Variants in BBOF1 observed in about 807,000 individuals in gnomAD.
BBOF1 encodes basal body-orientation factor 1.
A neutral mutation model predicts 68.0 loss-of-function variants in BBOF1; 62 were observed. That is an observed-to-expected ratio of 0.91 (90% confidence interval 0.74 to 1.13). The LOEUF is 1.13. Ranked by LOEUF, BBOF1 falls within the 50% of genes most tolerant of loss-of-function variation. The pLI is 0.00. For missense variants in BBOF1, 534 were observed against 600.1 expected (o/e 0.89, Z 1.15); for synonymous variants, 208 against 198.8 (o/e 1.05, Z -0.39).
intron 11 of BBOF1, chr14:74,060,040 TTA>T (rs2060305234): frequency 1.3e-5 from 2 of 154,754 alleles, no homozygotes; most frequent in Admixed American, 6.4e-5. Context: ...CCAGTGGCAT[TTA>T]GGTAGCGCTA....
At chr14:74,036,626 G>A (rs1412270953) in intron 4 of BBOF1, among the ~76,000 whole-genome samples, 5 of 148,268 alleles carry the variant, frequency 3.4e-5, no homozygotes, top group African/African-American at 1.2e-4. Context: ...GGAGGTAACA[G>A]TGAACCAAGA....
At chr14:74,048,204 C>CT (rs1030648790) in intron 7 of BBOF1, 130 bp downstream of exon 7, 34 of 766,870 alleles carry the variant, frequency 4.4e-5, no homozygotes, top group African/African-American at 3.7e-4. Context: ...GGATGATGCA[C>CT]TTTTTTTATC....
At chr14:74,023,241 T>A in intron 2 of BBOF1, 97 bp downstream of exon 2, 1 of 685,962 alleles carries the variant, frequency 1.5e-6, no homozygotes, top group Non-Finnish European at 2.4e-6. Flanking sequence ...CTTGAAATCT[T>A]AACATATACT....
At chr14:74,057,518 C>G (rs2060243079) in intron 11 of BBOF1, 1 of 1,368,544 alleles carries the variant, frequency 7.3e-7, no homozygotes, top group Admixed American at 2.9e-5. Flanking sequence ...ACAGCCTAGC[C>G]AAAATGTGTA....
chr14:74,071,611 G>A, intron 9 of BBOF1: 9 of 1,586,444 alleles, frequency 5.7e-6, no homozygotes, highest in Non-Finnish European at 7.7e-6. Flanking sequence ...GGGGTGCAGG[G>A]TACACTGACT....
At chr14:74,079,506 T>C (rs1469487711) in intron 10 of BBOF1, among the ~76,000 whole-genome samples, 1 of 151,342 alleles carries the variant, frequency 6.6e-6, no homozygotes, top group Non-Finnish European at 1.5e-5. Context: ...CGATCTTGGC[T>C]CACCGCAAGC....
chr14:74,023,288 A>G lies in BBOF1; in HGVS notation c.285+144A>G, dbSNP rs62005081. 2.3e-3 allele frequency: 1,175 copies of G among 506,900 alleles called. 3 individuals are homozygous for G. Among genetic ancestry groups the G allele is most frequent in the Non-Finnish European group, 2.5e-3 (714 of 282,024 alleles). The allele number at this position is 506,900 out of a possible 1,614,324, so 31.4% of individuals were successfully genotyped here. ...AATTGACCTTAACTCTGTTTGAAGC[A>G]AGACACTTTTTCAGAATGGTTTTAC... is the stretch of plus-strand genomic sequence containing the variant. On this transcript the variant is annotated intron_variant, in intron 2 of 11. Transcript: ENST00000394009.
intron 4 of BBOF1, among the ~76,000 whole-genome samples, chr14:74,036,274 C>G (rs1340311952): frequency 2.0e-5 from 3 of 152,084 alleles, no homozygotes; most frequent in Admixed American, 6.6e-5. Flanking sequence ...CCAGGCTGGT[C>G]AAGAACTCCT....
intron 9 of BBOF1, chr14:74,071,740 G>A (rs1017420047): frequency 2.3e-5 from 33 of 1,444,452 alleles, no homozygotes; most frequent in African/African-American, 7.1e-5. Flanking sequence ...TCAGTCTTAG[G>A]GATACTGAAT....
chr14:74,027,736 C>G (rs1221975757), intron 2 of BBOF1, among the ~76,000 whole-genome samples: 2 of 152,002 alleles, frequency 1.3e-5, no homozygotes, highest in East Asian at 3.9e-4. Context: ...TATATATAAC[C>G]TACCAAAAAC....
intron 1 of BBOF1, among the ~76,000 whole-genome samples, chr14:74,019,972 G>A (rs997087346): frequency 1.3e-5 from 2 of 152,172 alleles, no homozygotes; most frequent in African/African-American, 4.8e-5. Flanking sequence ...GTGGTGTCCA[G>A]CAACAACACC....
chr14:74,021,326 C>T (rs2140934374), intron 1 of BBOF1, among the ~76,000 whole-genome samples: 1 of 152,156 alleles, frequency 6.6e-6, no homozygotes, highest in East Asian at 1.9e-4. Flanking sequence ...GGCATCGTGG[C>T]TCATGCCCAG....
chr14:74,071,805 T>G, intron 9 of BBOF1: 1 of 1,514,634 alleles, frequency 6.6e-7, no homozygotes, highest in Non-Finnish European at 9.2e-7. Flanking sequence ...AAAATCTATG[T>G]AAAGGAAGAA....
At chr14:74,058,326 C>G (rs1275783412) in intron 11 of BBOF1, 1 of 151,220 alleles carries the variant, frequency 6.6e-6, no homozygotes, top group Non-Finnish European at 1.5e-5. Context: ...GACTCCATCT[C>G]AAAACAAAAC....
intron 8 of BBOF1, among the ~76,000 whole-genome samples, chr14:74,051,398 G>A (rs1015608403): frequency 1.3e-5 from 2 of 151,610 alleles, no homozygotes; most frequent in Non-Finnish European, 2.9e-5. Context: ...GGGCAACAGA[G>A]TGAGACCCTG....
chr14:74,074,476 G>A (rs750272790), intron 9 of BBOF1, among the ~76,000 whole-genome samples: 7 of 151,214 alleles, frequency 4.6e-5, no homozygotes, highest in Non-Finnish European at 7.4e-5. Flanking sequence ...TAGTAGAGAT[G>A]TGGTTTCCCC....
intron 5 of BBOF1, among the ~76,000 whole-genome samples, chr14:74,043,522 A>C (rs1157069133): frequency 1.5e-5 from 2 of 129,256 alleles, no homozygotes; most frequent in Non-Finnish European, 3.2e-5. Context: ...TGCAGTCCGC[A>C]GTCCGGCCTG....
intron 4 of BBOF1, among the ~76,000 whole-genome samples, chr14:74,036,178 C>T (rs1292808140): frequency 6.6e-6 from 1 of 152,020 alleles, no homozygotes; most frequent in Non-Finnish European, 1.5e-5. Context: ...GCCTCAGCCT[C>T]CCAAGTAGCA....
downstream of BBOF1, chr14:74,067,437 C>T (rs1374576085): frequency 2.5e-6 from 4 of 1,614,126 alleles, no homozygotes; most frequent in Non-Finnish European, 1.7e-6. Context: ...CACTTCTTGG[C>T]TTCTCCCACA....
Sources: gnomAD v4.1 joint callset for allele counts (sites outside exome capture counted in the v4.1 genomes callset) on GRCh38, gnomAD v4.1.1 for gene constraint, MANE v1.5 for transcripts, NCBI Gene and HGNC (gene_info 2026-07-23, HGNC 2026-07-21) for gene names.